Variants in PPP2R1A observed in about 807,000 individuals in gnomAD.
The protein encoded by PPP2R1A is protein phosphatase 2 scaffold subunit Aalpha.
Under a neutral mutation model 67.1 loss-of-function variants are expected in PPP2R1A, and 15 were observed. The observed-to-expected ratio is 0.22, with a 90% CI of 0.15 to 0.34. The LOEUF (loss-of-function observed/expected upper bound fraction) is 0.34. Ranked by LOEUF, PPP2R1A falls within the 10% of genes least tolerant of loss-of-function variation. The pLI, the probability that PPP2R1A is intolerant of heterozygous loss-of-function variation, is 1.00. For missense variants in PPP2R1A, 369 were observed against 775.0 expected (o/e 0.48, Z 6.22); for synonymous variants, 337 against 325.0 (o/e 1.04, Z -0.40).
chr19:52,209,653 A>C (rs896363322), intron 3 of PPP2R1A, among the ~76,000 whole-genome samples: 1 of 152,028 alleles, frequency 6.6e-6, no homozygotes, highest in African/African-American at 2.4e-5. Context: ...GAAATTCCAA[A>C]CCCATTGGAC....
At chr19:52,202,819 T>C (rs1055973568) in intron 2 of PPP2R1A, among the ~76,000 whole-genome samples, 2 of 152,366 alleles carry the variant, frequency 1.3e-5, no homozygotes, top group South Asian at 4.1e-4. Flanking sequence ...GGCATAATTA[T>C]GTAACCTAAC....
intron 2 of PPP2R1A, 86 bp downstream of exon 2, chr19:52,202,120 A>G (rs2089555574): frequency 9.2e-6 from 11 of 1,201,922 alleles, no homozygotes; most frequent in South Asian, 1.2e-5. Flanking sequence ...TGGATTTAAC[A>G]TATTGTTTGT....
At chr19:52,206,707 G>A (rs886712708) in intron 3 of PPP2R1A, among the ~76,000 whole-genome samples, 3 of 152,106 alleles carry the variant, frequency 2.0e-5, no homozygotes, top group East Asian at 1.9e-4. Context: ...TGTGTGTCCC[G>A]TGCTAGGTGA....
At chr19:52,224,590 A>T (rs1463588267) in intron 13 of PPP2R1A, among the ~76,000 whole-genome samples, 1 of 152,162 alleles carries the variant, frequency 6.6e-6, no homozygotes, top group Non-Finnish European at 1.5e-5. Context: ...GGGTTCTGAG[A>T]TTCTGTTCCA....
Position 52,208,698 on chromosome 19 carries a change from C to A in PPP2R1A, c.271-2562C>A, listed in dbSNP as rs568546897. On this transcript the variant is annotated intron_variant, in intron 3 of 14. Transcript: ENST00000322088. ...TATTTTTTGTAGAGACAGGGTTTCA[C>A]CATGTTGGCCAGGCTGGTCTAGAAC... 2.0e-5 allele frequency among the ~76,000 whole-genome samples: 3 copies of A among 152,132 alleles called. No individual in the cohort carries two copies. The East Asian group carries it at 5.8e-4, about 30-fold the overall frequency.
At chr19:52,190,219 TG>T (rs2089439328) in intron 1 of PPP2R1A, 45 bp downstream of exon 1, 6 of 1,538,636 alleles carry the variant, frequency 3.9e-6, no homozygotes, top group East Asian at 2.5e-5. Flanking sequence ...GAGGGGTACC[TG>T]GGGGCACGGG....
chr19:52,208,684 G>C (rs772448169), intron 3 of PPP2R1A, among the ~76,000 whole-genome samples: 4 of 151,924 alleles, frequency 2.6e-5, no homozygotes, highest in African/African-American at 4.8e-5. Flanking sequence ...ATTTTTTGTA[G>C]AGACAGGGTT....
chr19:52,191,738 T>A (rs2122273691), intron 1 of PPP2R1A, among the ~76,000 whole-genome samples: 1 of 152,320 alleles, frequency 6.6e-6, no homozygotes, highest in South Asian at 2.1e-4. Context: ...TCAGTAAATA[T>A]ATGCCATGTA....
At chr19:52,200,042 A>C (rs944019053) in intron 1 of PPP2R1A, among the ~76,000 whole-genome samples, 1 of 152,216 alleles carries the variant, frequency 6.6e-6, no homozygotes, top group Non-Finnish European at 1.5e-5. Context: ...CCTGGACCGG[A>C]GAACCCAACT....
At chr19:52,223,629 C>G (rs1271431236) in intron 13 of PPP2R1A, among the ~76,000 whole-genome samples, 4 of 152,152 alleles carry the variant, frequency 2.6e-5, no homozygotes, top group Non-Finnish European at 5.9e-5. Flanking sequence ...CATCATTAGC[C>G]TTCAGGAAAA....
At chr19:52,203,740 G>A (rs2089574796) in intron 2 of PPP2R1A, among the ~76,000 whole-genome samples, 1 of 152,120 alleles carries the variant, frequency 6.6e-6, no homozygotes. Flanking sequence ...CAGATTGATA[G>A]CTCAGTCCCC....
At chr19:52,220,132 C>T (rs1223548093) in intron 10 of PPP2R1A, 57 bp from the exon 11 acceptor site, 1 of 1,563,608 alleles carries the variant, frequency 6.4e-7, no homozygotes, top group Non-Finnish European at 8.8e-7. Flanking sequence ...TGGCTAGCAG[C>T]TCCCCCTGTT....
At chr19:52,221,818 G>A (rs551919109) in intron 12 of PPP2R1A, among the ~76,000 whole-genome samples, 19 of 152,228 alleles carry the variant, frequency 1.2e-4, no homozygotes, top group African/African-American at 3.9e-4. Context: ...TTCTTCCCAC[G>A]CCACTCTCTG....
chr19:52,210,486 T>C (rs1045280103), intron 3 of PPP2R1A, among the ~76,000 whole-genome samples: 44 of 95,008 alleles, frequency 4.6e-4, no homozygotes, highest in Non-Finnish European at 7.5e-4. Flanking sequence ...TTTCTCTTCT[T>C]TTTTTTTTTT....
At chr19:52,200,557 C>T (rs767325368) in intron 1 of PPP2R1A, among the ~76,000 whole-genome samples, 35 of 152,200 alleles carry the variant, frequency 2.3e-4, no homozygotes, top group Non-Finnish European at 4.6e-4. Context: ...TAATAGTTCT[C>T]TAGGACTGCC....
At chr19:52,221,432 A>G (rs1301240787) in intron 12 of PPP2R1A, among the ~76,000 whole-genome samples, 1 of 152,110 alleles carries the variant, frequency 6.6e-6, no homozygotes, top group Non-Finnish European at 1.5e-5. Context: ...TTCCCTGAGA[A>G]ATGTGTGTCT....
Position 52,213,574 on chromosome 19 carries a change from C to T in PPP2R1A, c.807+464C>T, listed in dbSNP as rs568715973. 6.7e-6 allele frequency among the ~76,000 whole-genome samples: 1 copy of T among 150,370 alleles called. No homozygotes were observed. The highest frequency in any genetic ancestry group is 6.7e-5 in the Admixed American group (1 of 15,014). On this transcript the variant is annotated intron_variant, in intron 6 of 14. Coordinates refer to ENST00000322088, the MANE Select transcript of PPP2R1A (RefSeq NM_014225.6). This position sits in a 1 kb window ranked among gnomAD's most constrained non-coding sequence, Gnocchi z 4.2. ...CTTGGCTCACTGCAGCCTGTCCCTC[C>T]CGGGTGCAGGCATTTCTCCTGCCTC...
At chr19:52,206,173 A>T in intron 3 of PPP2R1A, 110 bp downstream of exon 3, 1 of 904,624 alleles carries the variant, frequency 1.1e-6, no homozygotes, top group East Asian at 2.6e-5. Flanking sequence ...ATCACGTCAG[A>T]ACAGCCGGGC....
intron 1 of PPP2R1A, among the ~76,000 whole-genome samples, chr19:52,196,212 C>T (rs1260729516): frequency 6.6e-6 from 1 of 152,190 alleles, no homozygotes; most frequent in Non-Finnish European, 1.5e-5. Context: ...CAGGATATGA[C>T]ATGATCAATG....
Sources: allele counts gnomAD v4.1 joint callset (sites outside exome capture counted in the v4.1 genomes callset), GRCh38; gene constraint gnomAD v4.1.1; non-coding constraint Gnocchi (gnomAD v3.1); transcripts MANE v1.5; gene names NCBI Gene and HGNC (gene_info 2026-07-23, HGNC 2026-07-21).